The following NEGR1 variants were observed in gnomAD, a reference collection of about 807,000 sequenced individuals.
NEGR1 encodes the protein IgLON family member 4.
In NEGR1, 10 loss-of-function variants were observed where a neutral mutation model predicts 40.9. The ratio of observed to expected loss-of-function variants is 0.24; its 90% CI spans 0.15 to 0.42. The LOEUF (loss-of-function observed/expected upper bound fraction) is 0.42. Ranked by LOEUF, NEGR1 falls within the 10% of genes least tolerant of loss-of-function variation. The pLI is 1.00. For missense variants in NEGR1, 352 were observed against 438.9 expected, an observed-to-expected ratio of 0.80 and a Z score of 1.77; for synonymous variants, 185 against 166.8, an observed-to-expected ratio of 1.11 and a Z score of -0.84.
At chr1:71,695,464 A>G (rs1653445771) in intron 4 of NEGR1, among the ~76,000 whole-genome samples, 1 of 151,762 alleles carries the variant, frequency 6.6e-6, no homozygotes, top group East Asian at 1.9e-4. Flanking sequence ...TTGTTAAAAA[A>G]GGTAGCCTCT....
intron 3 of NEGR1, among the ~76,000 whole-genome samples, chr1:71,760,027 C>T (rs1655887518): frequency 2.0e-5 from 3 of 152,090 alleles, no homozygotes; most frequent in African/African-American, 7.2e-5. Flanking sequence ...TTGAAAAAAT[C>T]GAATTCACAA....
chr1:71,811,825 A>C (rs987894543), intron 2 of NEGR1, among the ~76,000 whole-genome samples: 3 of 149,990 alleles, frequency 2.0e-5, no homozygotes, highest in African/African-American at 7.4e-5. Flanking sequence ...ATTCAAACCC[A>C]GGTCTTTTGA....
chr1:72,224,332 C>A (rs1654107266), intron 1 of NEGR1, among the ~76,000 whole-genome samples: 2 of 149,360 alleles, frequency 1.3e-5, no homozygotes, highest in Admixed American at 6.7e-5. Flanking sequence ...TTTTCTAATG[C>A]ATGACCATAT....
At chr1:71,502,291 G>A (rs1385159321) in intron 6 of NEGR1, among the ~76,000 whole-genome samples, 1 of 152,112 alleles carries the variant, frequency 6.6e-6, no homozygotes, top group Non-Finnish European at 1.5e-5. Flanking sequence ...TTATAAGGGG[G>A]ATAATGAAAC....
Position 72,072,734 on chromosome 1 carries a change from C to G in NEGR1, c.177-137423G>C, listed in dbSNP as rs1290415181. Among the ~76,000 whole-genome samples, 8 of 120,604 alleles carry G rather than the reference C, an allele frequency of 6.6e-5. No homozygotes were observed. In the East Asian group the frequency reaches 1.4e-3, roughly 21 times the overall value. 79.1% of individuals were successfully genotyped at this position (120,604 alleles called of 152,430 possible). A position where few individuals can be genotyped will look rare whatever the true frequency, so the allele number is the denominator to read the frequency against. On this transcript the variant is annotated intron_variant, in intron 1 of 6. Transcript: ENST00000357731. ...CAAAGGCATCGATCTGAGCTTGATT[C>G]TCAGCACTCCCTGTCCTTCGGTTTA... is the stretch of plus-strand genomic sequence containing the variant.
intron 1 of NEGR1, among the ~76,000 whole-genome samples, chr1:72,121,891 TA>T (rs1248786142): frequency 6.6e-6 from 1 of 151,986 alleles, no homozygotes; most frequent in African/African-American, 2.4e-5. Context: ...ACATATCAAT[TA>T]AAAAATTACA....
At chr1:71,905,873 A>G (rs1195008479) in intron 2 of NEGR1, among the ~76,000 whole-genome samples, 1 of 151,770 alleles carries the variant, frequency 6.6e-6, no homozygotes, top group Non-Finnish European at 1.5e-5. Context: ...ACAAAAAAAA[A>G]AAAAAAAGAA....
At chr1:71,475,447 T>G (rs1034508819) in intron 6 of NEGR1, among the ~76,000 whole-genome samples, 2 of 152,102 alleles carry the variant, frequency 1.3e-5, no homozygotes, top group Admixed American at 6.6e-5. Flanking sequence ...CTGAGATTTT[T>G]GTGATAATAA....
chr1:71,669,937 G>A (rs539676093), intron 4 of NEGR1, among the ~76,000 whole-genome samples: 7 of 152,230 alleles, frequency 4.6e-5, no homozygotes, highest in East Asian at 3.9e-4. Flanking sequence ...GTGAGCCACC[G>A]CACCTGGCCA....
At chr1:71,423,910 C>T (rs1646413309) in intron 6 of NEGR1, among the ~76,000 whole-genome samples, 2 of 148,634 alleles carry the variant, frequency 1.3e-5, no homozygotes, top group African/African-American at 4.9e-5. Flanking sequence ...TACTGCAGCA[C>T]TGTGAGCCGC....
intron 1 of NEGR1, among the ~76,000 whole-genome samples, chr1:71,999,667 A>T (rs1248847548): frequency 2.1e-4 from 10 of 48,508 alleles, no homozygotes; most frequent in South Asian, 2.3e-3. Flanking sequence ...ATATATATAT[A>T]TATATATATA....
chr1:71,928,466 T>TATACACACA (rs1557439427), intron 2 of NEGR1, among the ~76,000 whole-genome samples: 1 of 86,548 alleles, frequency 1.2e-5, no homozygotes, highest in Admixed American at 1.3e-4. Context: ...ACACACATAC[T>TATACACACA]TATATATACA....
At chr1:72,064,945 C>T (rs538894837) in intron 1 of NEGR1, among the ~76,000 whole-genome samples, 9 of 152,158 alleles carry the variant, frequency 5.9e-5, no homozygotes, top group Middle Eastern at 3.4e-3. Context: ...TTATAAATTA[C>T]TGTTAACTCC....
chr1:72,247,932 G>A (rs919477181), intron 1 of NEGR1, among the ~76,000 whole-genome samples: 6 of 152,184 alleles, frequency 3.9e-5, no homozygotes, highest in African/African-American at 7.2e-5. Context: ...GGGAGGCATC[G>A]GGAAGCTTAC....
In NEGR1 at chr1:71,783,837, C is replaced by CCAGTCCATCCAT. The variant is rs1553165040; in HGVS notation, c.410-7541_410-7540insATGGATGGACTG. Among the ~76,000 whole-genome samples, 604 of 136,930 alleles carry CCAGTCCATCCAT rather than the reference C, an allele frequency of 4.4e-3. 4 individuals carry two copies. Among genetic ancestry groups the CCAGTCCATCCAT allele is most frequent in the African/African-American group, 0.014 (570 of 40,520 alleles). The allele number at this position is 136,930 out of a possible 152,430, so 89.8% of individuals were successfully genotyped here. A position where few individuals can be genotyped will look rare whatever the true frequency, so the allele number is the denominator to read the frequency against. ...TGAACTGTTTTAATTCATCCATCCACCCGTCCATCCATCCATCCATCCATC... is the reference window on the plus strand; with the variant it reads ...TGAACTGTTTTAATTCATCCATCCACCAGTCCATCCATCCGTCCATCCATCCATCCATCCATC... On this transcript the variant is annotated intron_variant, in intron 2 of 6. Coordinates refer to ENST00000357731, the MANE Select transcript of NEGR1 (RefSeq NM_173808.3).
chr1:72,242,380 C>T (rs1245495793), intron 1 of NEGR1, among the ~76,000 whole-genome samples: 1 of 151,410 alleles, frequency 6.6e-6, no homozygotes, highest in Non-Finnish European at 1.5e-5. Flanking sequence ...ATTTTATTTT[C>T]ATTAATAGAA....
At chr1:71,789,028 T>A (rs958918971) in intron 2 of NEGR1, among the ~76,000 whole-genome samples, 4 of 152,106 alleles carry the variant, frequency 2.6e-5, no homozygotes, top group African/African-American at 9.7e-5. Flanking sequence ...CCAGCTCAGA[T>A]AAAGATAGAA....
intron 2 of NEGR1, among the ~76,000 whole-genome samples, chr1:71,803,471 C>T (rs1424351208): frequency 6.6e-6 from 1 of 152,066 alleles, no homozygotes; most frequent in African/African-American, 2.4e-5. Context: ...TAACAGTGAC[C>T]TTCCTCTCTA....
chr1:71,870,025 G>A lies in NEGR1; in HGVS notation c.409+65054C>T, dbSNP rs181638378. ...CTCCCAAGTAGCTGGGATTACAGGC[G>A]CGGGCCACCACAGCTGGCTAATTTT... On this transcript the variant is annotated intron_variant, in intron 2 of 6. Transcript: ENST00000357731. 1.6e-3 allele frequency among the ~76,000 whole-genome samples: 241 copies of A among 151,888 alleles called. 1 individual carries two copies. The highest frequency in any genetic ancestry group is 5.2e-3 in the African/African-American group (214 of 41,456).
Sources: gnomAD v4.1 joint callset for allele counts (sites outside exome capture counted in the v4.1 genomes callset) on GRCh38, gnomAD v4.1.1 for gene constraint, MANE v1.5 for transcripts, NCBI Gene and HGNC (gene_info 2026-07-23, HGNC 2026-07-21) for gene names.